The following CTPS2 variants were observed in gnomAD, a reference collection of about 807,000 sequenced individuals.
CTPS2 encodes CTP synthase 2, also known as CTP synthase II.
A neutral mutation model predicts 46.8 loss-of-function variants in CTPS2; 19 were observed. That is an observed-to-expected ratio of 0.41 (90% CI 0.28 to 0.60). The LOEUF (loss-of-function observed/expected upper bound fraction) is 0.60. Among genes scored for constraint, CTPS2 ranks in the 20% least tolerant of loss-of-function variants. The pLI, the probability that CTPS2 is intolerant of heterozygous loss-of-function variation, is 0.35. For missense variants in CTPS2, 286 were observed against 447.6 expected (o/e 0.64, Z 3.26); for synonymous variants, 151 against 165.2 (o/e 0.91, Z 0.66).
chrX:16,659,957 T>C (rs1932907035), intron 13 of CTPS2, among the ~76,000 whole-genome samples: 1 of 112,055 alleles, frequency 8.9e-6, no homozygotes, highest in African/African-American at 3.3e-5. Flanking sequence ...TATCTATTCA[T>C]CTATCAGTGA....
chrX:16,681,935 C>T (rs1173756080), intron 9 of CTPS2, among the ~76,000 whole-genome samples: 3 of 112,005 alleles, frequency 2.7e-5, no homozygotes, highest in South Asian at 3.7e-4. Context: ...AAGATAACTA[C>T]GCCTCTGTTA....
At chrX:16,619,081 C>T (rs1476576460) in intron 15 of CTPS2, among the ~76,000 whole-genome samples, 1 of 112,269 alleles carries the variant, frequency 8.9e-6, no homozygotes, top group Non-Finnish European at 1.9e-5. Context: ...CCAGTTGGGC[C>T]CGTTCCCAAT....
chrX:16,684,126 A>T (rs1370331844), intron 8 of CTPS2, among the ~76,000 whole-genome samples: 1 of 111,652 alleles, frequency 9.0e-6, no homozygotes, highest in Non-Finnish European at 1.9e-5. Flanking sequence ...TTGGGGCTGA[A>T]GGTGTTTTAG....
At position 16,630,382 on chromosome X, in the gene CTPS2, G is replaced by A. The variant is rs373266067; in HGVS notation, c.1393+8765C>T. ...CAATTCTCTTGCCTCAGCCACCCGA[G>A]TTGCTGGGATTACAGGCATGTGCCA... On this transcript the variant is annotated intron_variant, in intron 14 of 18. Transcript: ENST00000359276. 3.3e-3 allele frequency among the ~76,000 whole-genome samples: 359 copies of A among 107,939 alleles called. 1 individual carries two copies. Among genetic ancestry groups the A allele is most frequent in the African/African-American group, 0.011 (326 of 29,547 alleles). 93.7% of individuals were successfully genotyped at this position (107,939 alleles called of 115,157 possible).
In CTPS2 at chrX:16,639,524, C is replaced by T. The variant is rs1372039689; in HGVS notation, c.1297-281G>A. Reference sequence around the variant, plus strand: ...TCCCTCCTGCCATTACTCAAACCATCAGTTCCAAGTAGTCCTCACACTTCG... The same window carrying T: ...TCCCTCCTGCCATTACTCAAACCATTAGTTCCAAGTAGTCCTCACACTTCG... On this transcript the variant is annotated intron_variant, in intron 13 of 18. Coordinates refer to ENST00000359276, the MANE Select transcript of CTPS2 (RefSeq NM_175859.3). 2.7e-5 allele frequency among the ~76,000 whole-genome samples: 3 copies of T among 110,445 alleles called. No homozygotes were observed. The East Asian group carries it at 8.5e-4, about 31-fold the overall frequency.
At chrX:16,640,852 A>C (rs1337663608) in intron 13 of CTPS2, among the ~76,000 whole-genome samples, 3 of 111,683 alleles carry the variant, frequency 2.7e-5, no homozygotes, top group African/African-American at 9.8e-5. Context: ...TTTCTGAGGT[A>C]AAAAATTCCC....
At chrX:16,681,261 G>C (rs1922721438) in intron 9 of CTPS2, among the ~76,000 whole-genome samples, 1 of 111,333 alleles carries the variant, frequency 9.0e-6, no homozygotes. Flanking sequence ...AAAGAAGGAG[G>C]CTAAAAAGAG....
chrX:16,647,511 G>A (rs185899572), intron 13 of CTPS2, among the ~76,000 whole-genome samples: 477 of 108,292 alleles, frequency 4.4e-3, no homozygotes, highest in Non-Finnish European at 7.4e-3. Context: ...CAGGTGATCC[G>A]CCCACCTCGG....
chrX:16,665,387 A>G (rs1456667423), intron 13 of CTPS2, among the ~76,000 whole-genome samples: 1 of 112,825 alleles, frequency 8.9e-6, no homozygotes, highest in Non-Finnish European at 1.9e-5. Context: ...ATGTTCATCA[A>G]TGGATAAATA....
At chrX:16,616,058 G>A (rs769698493) in intron 16 of CTPS2, among the ~76,000 whole-genome samples, 2 of 111,770 alleles carry the variant, frequency 1.8e-5, no homozygotes, top group Non-Finnish European at 3.8e-5. Context: ...TCATAAGCTG[G>A]CTGTAAACAG....
chrX:16,661,522 G>C (rs1283287295), intron 13 of CTPS2, among the ~76,000 whole-genome samples: 1 of 111,564 alleles, frequency 9.0e-6, no homozygotes, highest in Non-Finnish European at 1.9e-5. Flanking sequence ...ATTTTAAACA[G>C]GGCTTCAACT....
At chrX:16,662,007 T>C in intron 13 of CTPS2, among the ~76,000 whole-genome samples, 1 of 108,874 alleles carries the variant, frequency 9.2e-6, no homozygotes, top group South Asian at 4.0e-4. Flanking sequence ...TATATATATA[T>C]ATATATGCCT....
At chrX:16,627,953 G>A (rs771947743) in intron 14 of CTPS2, among the ~76,000 whole-genome samples, 1 of 111,606 alleles carries the variant, frequency 9.0e-6, no homozygotes, top group East Asian at 2.8e-4. Context: ...CAAAGAGTCA[G>A]CTCAATGACT....
At chrX:16,627,738 G>A (rs746694185) in intron 14 of CTPS2, among the ~76,000 whole-genome samples, 5 of 111,659 alleles carry the variant, frequency 4.5e-5, no homozygotes, top group African/African-American at 9.8e-5. Flanking sequence ...AGCTAAACCC[G>A]CGGTTTCAGA....
intron 17 of CTPS2, among the ~76,000 whole-genome samples, chrX:16,596,179 T>C (rs1259615831): frequency 1.0e-5 from 1 of 96,664 alleles, no homozygotes; most frequent in Admixed American, 1.1e-4. Flanking sequence ...TCGCCAAAAG[T>C]TTTTTTTTGT....
intron 17 of CTPS2, among the ~76,000 whole-genome samples, chrX:16,607,094 G>A (rs1275576838): frequency 8.9e-6 from 1 of 112,935 alleles, no homozygotes; most frequent in Non-Finnish European, 1.9e-5. Context: ...GCGGGAATTG[G>A]CAGGCCATAC....
chrX:16,621,977 G>A (rs987536431), intron 14 of CTPS2, among the ~76,000 whole-genome samples: 2 of 111,304 alleles, frequency 1.8e-5, no homozygotes, highest in African/African-American at 6.5e-5. Flanking sequence ...TGGGGGCAGG[G>A]AGTTCCTTTG....
intron 11 of CTPS2, among the ~76,000 whole-genome samples, chrX:16,669,261 C>T (rs898179109): frequency 2.1e-4 from 23 of 111,509 alleles, no homozygotes; most frequent in Non-Finnish European, 2.8e-4. Flanking sequence ...GCCTTCACTG[C>T]AGTTCACCAA....
chrX:16,627,820 C>T (rs1440178073), intron 14 of CTPS2, among the ~76,000 whole-genome samples: 1 of 111,355 alleles, frequency 9.0e-6, no homozygotes, highest in Admixed American at 9.6e-5. Flanking sequence ...ACCAGACACC[C>T]CCGAAACCTG....
Sources: gnomAD v4.1 joint callset for allele counts (sites outside exome capture counted in the v4.1 genomes callset) on GRCh38, gnomAD v4.1.1 for gene constraint, MANE v1.5 for transcripts, NCBI Gene and HGNC (gene_info 2026-07-23, HGNC 2026-07-21) for gene names.